Variants in CSMD3 observed in about 807,000 individuals in gnomAD.
The protein encoded by CSMD3 is CUB and sushi domain-containing protein 3.
In CSMD3, 177 loss-of-function variants were observed where a neutral mutation model predicts 435.2. That is an observed-to-expected ratio of 0.41 (90% confidence interval 0.36 to 0.46). The LOEUF (loss-of-function observed/expected upper bound fraction) is 0.46, where lower values mean the gene tolerates loss of function less well. Ranked by LOEUF, CSMD3 falls within the 20% of genes least tolerant of loss-of-function variation. The pLI is 0.34. For missense variants in CSMD3, 4,265 were observed against 4,504.6 expected (o/e 0.95, Z 1.52); for synonymous variants, 1,656 against 1,520.5 (o/e 1.09, Z -2.07).
intron 32 of CSMD3, among the ~76,000 whole-genome samples, chr8:112,417,042 G>T (rs1388052138): frequency 6.6e-6 from 1 of 152,136 alleles, no homozygotes; most frequent in Non-Finnish European, 1.5e-5. Context: ...ATTAATGAAT[G>T]GTGACAATGA....
intron 53 of CSMD3, among the ~76,000 whole-genome samples, chr8:112,300,886 T>G (rs943047329): frequency 1.3e-5 from 2 of 152,196 alleles, no homozygotes; most frequent in African/African-American, 4.8e-5. Flanking sequence ...AGTATAAACT[T>G]TTCTGCCATG....
chr8:112,351,369 C>A, intron 39 of CSMD3, 125 bp from the exon 40 acceptor site: 1 of 641,668 alleles, frequency 1.6e-6, no homozygotes, highest in Non-Finnish European at 2.8e-6. Context: ...CACATATTTA[C>A]TTATATGAAA....
intron 5 of CSMD3, among the ~76,000 whole-genome samples, chr8:113,088,007 T>C (rs62521254): frequency 0.66 from 94,943 of 144,800 alleles, 32,471 homozygotes; most frequent in East Asian, 0.95. Context: ...TCAAACAAAT[T>C]TACAAGAAAA....
At chr8:113,071,572 TC>T (rs1252163152) in intron 5 of CSMD3, among the ~76,000 whole-genome samples, 35 of 152,092 alleles carry the variant, frequency 2.3e-4, no homozygotes, top group African/African-American at 8.2e-4. Flanking sequence ...AAGAGATATT[TC>T]TTTCCCCATT....
intron 1 of CSMD3, among the ~76,000 whole-genome samples, chr8:113,332,021 T>A (rs1416414035): frequency 1.3e-5 from 2 of 151,722 alleles, no homozygotes; most frequent in Non-Finnish European, 3.0e-5. Flanking sequence ...TATATAGACA[T>A]ACCTCAGAGA....
intron 22 of CSMD3, among the ~76,000 whole-genome samples, chr8:112,600,330 A>G (rs6998409): frequency 0.051 from 7,739 of 152,174 alleles, 249 homozygotes; most frequent in African/African-American, 0.097. Context: ...TTGTGCTCAA[A>G]ATAGATTGCT....
At chr8:112,302,782 T>C (rs1457914088) in intron 52 of CSMD3, among the ~76,000 whole-genome samples, 1 of 151,842 alleles carries the variant, frequency 6.6e-6, no homozygotes, top group African/African-American at 2.4e-5. Context: ...ATATCAAATT[T>C]AAAATGTACT....
intron 12 of CSMD3, among the ~76,000 whole-genome samples, chr8:112,826,304 C>T (rs2079678582): frequency 6.6e-6 from 1 of 152,136 alleles, no homozygotes; most frequent in Non-Finnish European, 1.5e-5. Context: ...CAACCCTCCC[C>T]CAAGAAGCTC....
chr8:113,378,577 A>G (rs532053325), intron 1 of CSMD3, among the ~76,000 whole-genome samples: 7 of 152,278 alleles, frequency 4.6e-5, no homozygotes, highest in African/African-American at 1.7e-4. Context: ...TTATAGAAAG[A>G]GAAGAAGGCA....
chr8:112,697,900 C>T (rs1205719231), intron 13 of CSMD3, among the ~76,000 whole-genome samples: 1 of 151,866 alleles, frequency 6.6e-6, no homozygotes, highest in African/African-American at 2.4e-5. Context: ...AGTTATCTCA[C>T]CGAGTAGACT....
chr8:113,305,777 T>C (rs907812398), intron 2 of CSMD3, among the ~76,000 whole-genome samples: 1 of 152,232 alleles, frequency 6.6e-6, no homozygotes, highest in African/African-American at 2.4e-5. Flanking sequence ...TGCTCCAAAG[T>C]AAGTAATGAT....
At chr8:113,201,106 T>C (rs918118771) in intron 3 of CSMD3, among the ~76,000 whole-genome samples, 3 of 151,988 alleles carry the variant, frequency 2.0e-5, no homozygotes, top group African/African-American at 7.2e-5. Context: ...AAACTAGATC[T>C]CATTGCATAG....
rs531819681 is a variant in CSMD3, at chr8:113,070,774, A to C, written c.917+27982T>G. On this transcript the variant is annotated intron_variant, in intron 5 of 70. Coordinates refer to ENST00000297405, the MANE Select transcript of CSMD3 (RefSeq NM_198123.2). ...CAGATTCACCCATGAATAGTGATGC[A>C]ATGAACAAGGGAGTATAGGTATCTC... Among the ~76,000 whole-genome samples, 10 of 152,160 alleles carry C rather than the reference A, an allele frequency of 6.6e-5. No individual in the cohort carries two copies. In the South Asian group the frequency reaches 2.1e-3, roughly 31 times the overall value.
chr8:112,579,625 G>T (rs1830197697), intron 23 of CSMD3, among the ~76,000 whole-genome samples: 1 of 151,538 alleles, frequency 6.6e-6, no homozygotes, highest in African/African-American at 2.4e-5. Flanking sequence ...TTTGGCACTG[G>T]CTATGTTCAA....
rs550658728 is a variant in CSMD3, at chr8:112,446,186, A to G, written c.5395+26405T>C. 1.7e-4 allele frequency among the ~76,000 whole-genome samples: 26 copies of G among 152,310 alleles called. 1 individual carries two copies. The highest frequency in any genetic ancestry group is 6.0e-4 in the African/African-American group (25 of 41,570). ...GAAACACAGCTTGTACTCTTAATCC[A>G]TTAAACTATCTTGTGCCCCTTGACT... On this transcript the variant is annotated intron_variant, in intron 32 of 70. Coordinates refer to ENST00000297405, the MANE Select transcript of CSMD3 (RefSeq NM_198123.2).
intron 38 of CSMD3, among the ~76,000 whole-genome samples, chr8:112,368,154 C>T (rs965676325): frequency 2.6e-5 from 4 of 152,110 alleles, no homozygotes; most frequent in Non-Finnish European, 4.4e-5. Flanking sequence ...AAGCCATTCT[C>T]ATATCTATCT....
chr8:112,530,978 CT>C, intron 27 of CSMD3, among the ~76,000 whole-genome samples: 1 of 152,258 alleles, frequency 6.6e-6, no homozygotes, highest in Middle Eastern at 3.4e-3. Context: ...CTGCAATGAC[CT>C]GGAAGGCTGT....
At chr8:113,149,276 T>C (rs937913284) in intron 4 of CSMD3, among the ~76,000 whole-genome samples, 1 of 151,914 alleles carries the variant, frequency 6.6e-6, no homozygotes, top group African/African-American at 2.4e-5. Flanking sequence ...TTTCTCATTA[T>C]TGCCACAGCC....
At chr8:112,596,252 A>G (rs976701697) in intron 22 of CSMD3, among the ~76,000 whole-genome samples, 4 of 152,084 alleles carry the variant, frequency 2.6e-5, no homozygotes, top group Non-Finnish European at 5.9e-5. Context: ...ACCAACAAAG[A>G]TCAAAAGAGA....
Sources: gnomAD v4.1 joint callset for allele counts (sites outside exome capture counted in the v4.1 genomes callset) on GRCh38, gnomAD v4.1.1 for gene constraint, MANE v1.5 for transcripts, NCBI Gene and HGNC (gene_info 2026-07-23, HGNC 2026-07-21) for gene names.